IQCM: variants seen among roughly 807,000 people sequenced by gnomAD.
The protein encoded by IQCM is IQ domain-containing protein M.
IQCM carries 45 observed loss-of-function variants against 57.6 expected under a neutral mutation model. The observed-to-expected ratio is 0.78, with a 90% CI of 0.62 to 1.00. The LOEUF (loss-of-function observed/expected upper bound fraction) is 1.00, where lower values mean the gene tolerates loss of function less well. Ranked by LOEUF, IQCM falls within the 50% of genes least tolerant of loss-of-function variation. IQCM has a pLI of 0.00. For missense variants in IQCM, 468 were observed against 511.6 expected (o/e 0.91, Z 0.82); for synonymous variants, 148 against 158.9 (o/e 0.93, Z 0.51).
intron 12 of IQCM, among the ~76,000 whole-genome samples, chr4:149,519,644 T>A (rs536269224): frequency 2.1e-4 from 32 of 150,444 alleles, no homozygotes; most frequent in African/African-American, 6.8e-4. Context: ...AGACTCTGTC[T>A]CAAAAAAAAA....
intron 12 of IQCM, among the ~76,000 whole-genome samples, chr4:149,540,069 T>C (rs1385674703): frequency 6.6e-6 from 1 of 151,594 alleles, no homozygotes; most frequent in Non-Finnish European, 1.5e-5. Flanking sequence ...TTAAATGAGG[T>C]CATAAGGGTA....
intron 12 of IQCM, among the ~76,000 whole-genome samples, chr4:149,443,247 C>T (rs897593541): frequency 2.0e-5 from 3 of 151,908 alleles, no homozygotes; most frequent in East Asian, 1.9e-4. Flanking sequence ...GAACTTCAAT[C>T]GAATCTAGAA....
At chr4:149,673,686 G>A (rs932299879) in intron 7 of IQCM, among the ~76,000 whole-genome samples, 11 of 152,014 alleles carry the variant, frequency 7.2e-5, no homozygotes, top group African/African-American at 2.2e-4. Context: ...AGACTTTAAC[G>A]CCCCACTGTC....
At chr4:149,486,267 T>C (rs746386056) in intron 12 of IQCM, among the ~76,000 whole-genome samples, 6 of 152,104 alleles carry the variant, frequency 3.9e-5, no homozygotes, top group Non-Finnish European at 8.8e-5. Flanking sequence ...AGAGATGTTA[T>C]TTGGAGTCCA....
intron 2 of IQCM, among the ~76,000 whole-genome samples, chr4:149,779,130 G>T (rs1771370622): frequency 6.6e-6 from 1 of 152,092 alleles, no homozygotes; most frequent in Admixed American, 6.5e-5. Flanking sequence ...TACACACCAT[G>T]ATCAAGTAGA....
At chr4:149,759,536 T>G (rs1769300070) in intron 2 of IQCM, among the ~76,000 whole-genome samples, 1 of 152,140 alleles carries the variant, frequency 6.6e-6, no homozygotes, top group Non-Finnish European at 1.5e-5. Context: ...CACTTATCAA[T>G]AGAGATTATC....
chr4:149,403,548 A>G (rs2111140333), intron 13 of IQCM, among the ~76,000 whole-genome samples: 1 of 149,102 alleles, frequency 6.7e-6, no homozygotes, highest in East Asian at 2.0e-4. Flanking sequence ...CAGCTACTCT[A>G]TTTTTTTTTT....
chr4:149,600,399 C>A (rs1241494369), intron 8 of IQCM, among the ~76,000 whole-genome samples: 1 of 152,046 alleles, frequency 6.6e-6, no homozygotes, highest in Non-Finnish European at 1.5e-5. Flanking sequence ...GGATAGGATT[C>A]AAATTCAATA....
At chr4:149,786,136 A>G (rs1772060522) in intron 2 of IQCM, among the ~76,000 whole-genome samples, 1 of 152,198 alleles carries the variant, frequency 6.6e-6, no homozygotes, top group Admixed American at 6.5e-5. Flanking sequence ...ACATTTCTGG[A>G]CTTTGGAAAT....
At chr4:149,679,067 A>G (rs1189479334) in intron 7 of IQCM, among the ~76,000 whole-genome samples, 1 of 151,796 alleles carries the variant, frequency 6.6e-6, no homozygotes. Context: ...TGTATCAAAA[A>G]GACATCTGCA....
intron 12 of IQCM, among the ~76,000 whole-genome samples, chr4:149,485,303 C>A (rs1219872092): frequency 6.6e-6 from 1 of 151,908 alleles, no homozygotes; most frequent in African/African-American, 2.4e-5. Flanking sequence ...CTTTCTATTC[C>A]TATCTCTTCC....
intron 12 of IQCM, among the ~76,000 whole-genome samples, chr4:149,494,938 G>T (rs112465741): frequency 4.3e-4 from 66 of 152,238 alleles, no homozygotes; most frequent in African/African-American, 1.6e-3. Context: ...TGAAAACCAA[G>T]AAACCACTCA....
At chr4:149,543,290 A>G (rs1748038322) in intron 12 of IQCM, among the ~76,000 whole-genome samples, 1 of 152,242 alleles carries the variant, frequency 6.6e-6, no homozygotes, top group South Asian at 2.1e-4. Context: ...ACTGATAAGT[A>G]TTGTTAAAAA....
intron 12 of IQCM, among the ~76,000 whole-genome samples, chr4:149,510,696 T>C (rs1017346252): frequency 6.6e-6 from 1 of 152,210 alleles, no homozygotes; most frequent in African/African-American, 2.4e-5. Flanking sequence ...TCTTTACAGT[T>C]CTGAGGAATA....
At chr4:149,516,964 G>C (rs545978796) in intron 12 of IQCM, among the ~76,000 whole-genome samples, 1 of 152,104 alleles carries the variant, frequency 6.6e-6, no homozygotes, top group Non-Finnish European at 1.5e-5. Flanking sequence ...GTAAGTAAGA[G>C]TATGCATGGA....
intron 13 of IQCM, among the ~76,000 whole-genome samples, chr4:149,374,667 AG>A (rs1484947763): frequency 6.6e-6 from 1 of 152,110 alleles, no homozygotes; most frequent in Non-Finnish European, 1.5e-5. Context: ...TATTAATGAA[AG>A]GAAGTTTTGT....
intron 2 of IQCM, among the ~76,000 whole-genome samples, chr4:149,757,987 G>A (rs549392029): frequency 1.3e-5 from 2 of 152,210 alleles, no homozygotes; most frequent in South Asian, 4.2e-4. Flanking sequence ...GAAGAACAAA[G>A]TTGGAAGACT....
At chr4:149,466,312 C>CAAT (rs1202939613) in intron 12 of IQCM, among the ~76,000 whole-genome samples, 3 of 152,220 alleles carry the variant, frequency 2.0e-5, no homozygotes, top group Admixed American at 6.5e-5. Context: ...TGAGGTCTAA[C>CAAT]AATAACAATA....
chr4:149,642,514 T>A (rs1450568136), intron 7 of IQCM, among the ~76,000 whole-genome samples: 1 of 152,170 alleles, frequency 6.6e-6, no homozygotes, highest in Non-Finnish European at 1.5e-5. Flanking sequence ...TTTTCCTCCT[T>A]CAGCAAATAA....
Sources: allele counts gnomAD v4.1 joint callset (sites outside exome capture counted in the v4.1 genomes callset), GRCh38; gene constraint gnomAD v4.1.1; transcripts MANE v1.5; gene names NCBI Gene and HGNC (gene_info 2026-07-23, HGNC 2026-07-21).